The following ROBO1 variants were observed in gnomAD, a reference collection of about 807,000 sequenced individuals.
ROBO1 encodes the protein roundabout homolog 1.
A neutral mutation model predicts 195.9 loss-of-function variants in ROBO1; 149 were observed. The ratio of observed to expected loss-of-function variants is 0.76; its 90% CI spans 0.67 to 0.87. The LOEUF (loss-of-function observed/expected upper bound fraction) is 0.87, where lower values mean the gene tolerates loss of function less well. ROBO1 is among the 40% of genes least tolerant of loss of function. The pLI is 0.00. For synonymous variants in ROBO1, 816 were observed against 733.2 expected, an observed-to-expected ratio of 1.11 and a Z score of -1.82; for missense variants, 1,933 against 2,068.3, an observed-to-expected ratio of 0.93 and a Z score of 1.27.
intron 1 of ROBO1, among the ~76,000 whole-genome samples, chr3:79,612,150 G>A (rs1028971606): frequency 6.7e-5 from 10 of 149,946 alleles, no homozygotes; most frequent in African/African-American, 2.5e-4. Flanking sequence ...TCTAGCATTA[G>A]GTATATCTCC....
intron 4 of ROBO1, among the ~76,000 whole-genome samples, chr3:78,815,972 T>C (rs1348926009): frequency 6.6e-6 from 1 of 152,168 alleles, no homozygotes; most frequent in East Asian, 1.9e-4. Context: ...CTAGCTAAGA[T>C]AACCGATGAA....
chr3:78,641,070 T>C (rs1271020329), intron 21 of ROBO1, among the ~76,000 whole-genome samples: 1 of 152,162 alleles, frequency 6.6e-6, no homozygotes, highest in South Asian at 2.1e-4. Flanking sequence ...TAAAAATAAA[T>C]ATTTACCCTT....
At chr3:79,636,003 C>T (rs998727153) in intron 1 of ROBO1, among the ~76,000 whole-genome samples, 2 of 151,958 alleles carry the variant, frequency 1.3e-5, no homozygotes, top group Non-Finnish European at 2.9e-5. Flanking sequence ...ACTTCTGTTA[C>T]GTTTGTTATG....
chr3:78,885,000 A>G (rs2036461687), intron 4 of ROBO1, among the ~76,000 whole-genome samples: 1 of 151,996 alleles, frequency 6.6e-6, no homozygotes, highest in African/African-American at 2.4e-5. Flanking sequence ...CCTCATCTGT[A>G]AGATGTCTTA....
intron 21 of ROBO1, among the ~76,000 whole-genome samples, chr3:78,640,856 G>A (rs935678999): frequency 1.3e-5 from 2 of 152,058 alleles, no homozygotes; most frequent in Non-Finnish European, 2.9e-5. Context: ...TATTTTCTAT[G>A]TTAAAATGCA....
At chr3:79,362,227 T>C (rs1459195876) in intron 2 of ROBO1, among the ~76,000 whole-genome samples, 1 of 152,018 alleles carries the variant, frequency 6.6e-6, no homozygotes, top group Non-Finnish European at 1.5e-5. Context: ...AAACCAGACC[T>C]CAGAAGGGAA....
intron 2 of ROBO1, among the ~76,000 whole-genome samples, chr3:79,466,286 G>A (rs182967622): frequency 2.0e-5 from 3 of 152,150 alleles, no homozygotes; most frequent in East Asian, 1.9e-4. Context: ...TGTCTAAATG[G>A]CCATATGAAT....
rs909169786 is a variant in ROBO1, at chr3:79,363,041, AG to A, written c.88+226782del. Reference sequence around the variant, plus strand: ...AGTTTTTAAGTGATGTAATTTTCTCAGCCTGATGAGGAAAGCTTTCATATGT... The same window carrying A: ...AGTTTTTAAGTGATGTAATTTTCTCACCTGATGAGGAAAGCTTTCATATGT... On this transcript the variant is annotated intron_variant, in intron 2 of 30. Coordinates refer to ENST00000464233, the MANE Select transcript of ROBO1 (RefSeq NM_002941.4). Among the ~76,000 whole-genome samples the A allele has an allele frequency of 9.8e-4, 149 of 152,332 alleles. 1 individual carries two copies. The highest frequency in any genetic ancestry group is 3.2e-3 in the African/African-American group (134 of 41,582).
At chr3:78,769,913 T>G (rs947271595) in intron 4 of ROBO1, among the ~76,000 whole-genome samples, 1 of 152,166 alleles carries the variant, frequency 6.6e-6, no homozygotes, top group Non-Finnish European at 1.5e-5. Flanking sequence ...CCCCAATCCC[T>G]CCTAGCTTGT....
At chr3:78,835,381 C>T (rs554019034) in intron 4 of ROBO1, among the ~76,000 whole-genome samples, 26 of 152,258 alleles carry the variant, frequency 1.7e-4, no homozygotes, top group Non-Finnish European at 2.5e-4. Context: ...AAATTTATAA[C>T]TTGGCAGACA....
intron 4 of ROBO1, among the ~76,000 whole-genome samples, chr3:78,885,489 T>C (rs1045431732): frequency 1.7e-4 from 24 of 139,244 alleles, no homozygotes; most frequent in Non-Finnish European, 3.1e-4. Context: ...GTTCCCCAAA[T>C]TCCATTTGCC....
chr3:78,748,949 G>T (rs1272826534), intron 4 of ROBO1, among the ~76,000 whole-genome samples: 1 of 152,002 alleles, frequency 6.6e-6, no homozygotes, highest in Non-Finnish European at 1.5e-5. Context: ...AGACACAAAG[G>T]TAAACCTTGT....
intron 2 of ROBO1, among the ~76,000 whole-genome samples, chr3:79,395,321 C>CAAAAAAAAAAA (rs71631647): frequency 2.0e-5 from 1 of 50,158 alleles, no homozygotes; most frequent in African/African-American, 5.7e-5. Context: ...GACTCCGTCT[C>CAAAAAAAAAAA]AAAAAAAAAA....
intron 3 of ROBO1, among the ~76,000 whole-genome samples, chr3:78,968,273 T>A (rs1576485949): frequency 1.5e-5 from 1 of 68,678 alleles, no homozygotes; most frequent in South Asian, 6.5e-4. Context: ...TATAGATTCT[T>A]TTTTTTTTTT....
At chr3:79,531,208 C>T (rs965051203) in intron 2 of ROBO1, among the ~76,000 whole-genome samples, 9 of 152,020 alleles carry the variant, frequency 5.9e-5, no homozygotes, top group Admixed American at 1.3e-4. Flanking sequence ...ATTTATATGT[C>T]CTAAATTCCT....
At chr3:79,446,541 A>C (rs1229822464) in intron 2 of ROBO1, among the ~76,000 whole-genome samples, 1 of 152,208 alleles carries the variant, frequency 6.6e-6, no homozygotes, top group East Asian at 1.9e-4. Flanking sequence ...AAATATGATA[A>C]ATGGAGGATT....
At chr3:79,260,839 A>G (rs2082926163) in intron 2 of ROBO1, among the ~76,000 whole-genome samples, 1 of 152,110 alleles carries the variant, frequency 6.6e-6, no homozygotes, top group South Asian at 2.1e-4. Flanking sequence ...ATGATATCTA[A>G]TTTTCCATAT....
At chr3:79,542,781 A>G (rs374445962) in intron 2 of ROBO1, among the ~76,000 whole-genome samples, 17 of 152,066 alleles carry the variant, frequency 1.1e-4, no homozygotes, top group African/African-American at 3.6e-4. Flanking sequence ...ACTGAATTCC[A>G]TAACTCGGTT....
At chr3:78,836,526 A>T (rs1010720972) in intron 4 of ROBO1, among the ~76,000 whole-genome samples, 14 of 151,374 alleles carry the variant, frequency 9.2e-5, no homozygotes, top group Admixed American at 2.6e-4. Context: ...AAAAAAAATT[A>T]TTCAAAAAAC....
Sources: gnomAD v4.1 joint callset for allele counts (sites outside exome capture counted in the v4.1 genomes callset) on GRCh38, gnomAD v4.1.1 for gene constraint, MANE v1.5 for transcripts, NCBI Gene and HGNC (gene_info 2026-07-23, HGNC 2026-07-21) for gene names.